The following NAV3 variants were observed in gnomAD, a reference collection of about 807,000 sequenced individuals.
NAV3 encodes the protein pore membrane and/or filament interacting like protein 1.
A neutral mutation model predicts 244.7 loss-of-function variants in NAV3; 87 were observed. That is an observed-to-expected ratio of 0.36 (90% CI 0.30 to 0.42). NAV3 has a LOEUF of 0.42. Among genes scored for constraint, NAV3 ranks in the 20% least tolerant of loss-of-function variants. The pLI is 1.00. For synonymous variants in NAV3, 1,126 were observed against 1,042.2 expected, an observed-to-expected ratio of 1.08 and a Z score of -1.55; for missense variants, 2,663 against 2,893.3, an observed-to-expected ratio of 0.92 and a Z score of 1.83.
intron 3 of NAV3, among the ~76,000 whole-genome samples, chr12:77,965,889 C>T (rs1402984756): frequency 6.6e-6 from 1 of 152,162 alleles, no homozygotes; most frequent in Admixed American, 6.5e-5. Context: ...CTAAGACTCA[C>T]ACATGCAACA....
At chr12:77,729,891 CCTT>C (rs1877046596) in intron 2 of NAV3, among the ~76,000 whole-genome samples, 1 of 152,002 alleles carries the variant, frequency 6.6e-6, no homozygotes, top group Admixed American at 6.6e-5. Flanking sequence ...GCCATCAACT[CCTT>C]CTTTACCCAG....
At chr12:77,991,029 A>AT (rs978821243) in intron 5 of NAV3, among the ~76,000 whole-genome samples, 8 of 151,992 alleles carry the variant, frequency 5.3e-5, no homozygotes, top group African/African-American at 1.7e-4. Flanking sequence ...TTGTTTATTT[A>AT]TTTTTTTATT....
chr12:78,057,669 C>T (rs1192168854), intron 11 of NAV3, among the ~76,000 whole-genome samples: 1 of 152,180 alleles, frequency 6.6e-6, no homozygotes, highest in Non-Finnish European at 1.5e-5. Flanking sequence ...TCACTGGTAG[C>T]TCACCATCAC....
chr12:77,677,285 C>T (rs1024191013), intron 2 of NAV3, among the ~76,000 whole-genome samples: 1 of 152,162 alleles, frequency 6.6e-6, no homozygotes, highest in Admixed American at 6.6e-5. Context: ...TTATAATTGG[C>T]TATTTATCCA....
At chr12:78,169,611 C>T (rs1957920829) in intron 24 of NAV3, among the ~76,000 whole-genome samples, 1 of 151,550 alleles carries the variant, frequency 6.6e-6, no homozygotes, top group Non-Finnish European at 1.5e-5. Context: ...AACATGAATG[C>T]CTTATTATCT....
At chr12:77,624,478 A>G (rs537113800) in intron 2 of NAV3, among the ~76,000 whole-genome samples, 25 of 152,190 alleles carry the variant, frequency 1.6e-4, no homozygotes, top group Admixed American at 4.6e-4. Context: ...TTCAAAAGGA[A>G]CACTCTGTAC....
intron 2 of NAV3, among the ~76,000 whole-genome samples, chr12:77,721,903 A>G (rs754889997): frequency 5.9e-5 from 9 of 152,140 alleles, no homozygotes; most frequent in African/African-American, 1.2e-4. Flanking sequence ...TTTCTGATTC[A>G]GGACAGCCAA....
chr12:77,998,392 G>C lies in NAV3; in HGVS notation c.796G>C (p.Ala266Pro), dbSNP rs1156710926. The change falls in exon 7 of 40, where the codon GCC (alanine) becomes CCC (proline). Residue 266 changes from alanine to proline, a missense_variant. By Grantham distance (27) the Ala-to-Pro change is conservative. Around this residue, in one of 6 missense-constraint regions of NAV3, gnomAD observed 1,521 missense variants for 1,497.0 expected, o/e 1.02. Coordinates refer to ENST00000397909, the MANE Select transcript of NAV3 (RefSeq NM_001024383.2). ...AGGAAGCAGCAGCAAGGTCCAGGGAGCCTCTAATTTAAATAGGAGAAGTCA... is the reference window on the plus strand; with the variant it reads ...AGGAAGCAGCAGCAAGGTCCAGGGACCCTCTAATTTAAATAGGAGAAGTCA... The part of the protein sequence containing the change: ...AAGSSSKVQG[A>P]SNLNRRSQSF... 1.2e-6 allele frequency: 2 copies of C among 1,612,052 alleles called. No individual in the cohort carries two copies. The highest frequency in any genetic ancestry group is 1.1e-5 in the South Asian group (1 of 90,862).
chr12:77,637,480 AT>A (rs1431755902), intron 2 of NAV3, among the ~76,000 whole-genome samples: 1 of 152,150 alleles, frequency 6.6e-6, no homozygotes, highest in African/African-American at 2.4e-5. Context: ...TTTTAAAGTT[AT>A]TTTTATCATA....
chr12:77,723,566 G>A (rs1876737163), intron 2 of NAV3, among the ~76,000 whole-genome samples: 1 of 151,798 alleles, frequency 6.6e-6, no homozygotes, highest in African/African-American at 2.4e-5. Flanking sequence ...ATGACATGCT[G>A]TGAAAGGCTT....
At chr12:77,973,540 G>A (rs555854181) in intron 5 of NAV3, among the ~76,000 whole-genome samples, 4 of 152,202 alleles carry the variant, frequency 2.6e-5, no homozygotes, top group East Asian at 1.9e-4. Flanking sequence ...TTTTCTGAAC[G>A]GCTTGGCTGT....
In NAV3 at chr12:78,007,077, A is replaced by T; in HGVS notation, c.1539A>T (p.Thr513=). 1 of 1,614,220 alleles carries T rather than the reference A, an allele frequency of 6.2e-7. No homozygotes were observed. Among genetic ancestry groups the T allele is most frequent in the South Asian group, 1.1e-5 (1 of 91,088 alleles). The change falls in exon 8 of 40, where the codon ACA becomes ACT. Residue 513 remains threonine (T), a synonymous_variant. Coordinates refer to ENST00000397909, the MANE Select transcript of NAV3 (RefSeq NM_001024383.2). ...TGATCCCTAAGGGCAGCAAGACAAC[A>T]GCAGCTAAGAAGGAAAGCTTAATTC... ...ASLIPKGSKT[T]AAKKESLIPS...
At chr12:78,000,389 A>G (rs1017522378) in intron 7 of NAV3, among the ~76,000 whole-genome samples, 2 of 152,310 alleles carry the variant, frequency 1.3e-5, no homozygotes, top group Non-Finnish European at 2.9e-5. Flanking sequence ...CTTTATGTCA[A>G]TAGATCCAAT....
rs184197171 is a variant in NAV3, at chr12:78,205,167, T to C, written c.7038+29T>C. Reference sequence around the variant, plus strand: ...AGAATCAGATGTTCATTTCTTCCTATGTAATCTTGACTACAGTGTATAGTC... The same window carrying C: ...AGAATCAGATGTTCATTTCTTCCTACGTAATCTTGACTACAGTGTATAGTC... On this transcript the variant is annotated intron_variant, in intron 39 of 39. Transcript: ENST00000397909. 124 of 1,599,552 alleles carry C rather than the reference T, an allele frequency of 7.8e-5. No individual in the cohort carries two copies. In the East Asian group the frequency reaches 2.7e-3, roughly 35 times the overall value.
At chr12:77,641,190 G>A (rs577289679) in intron 2 of NAV3, among the ~76,000 whole-genome samples, 13 of 151,980 alleles carry the variant, frequency 8.6e-5, no homozygotes, top group African/African-American at 2.9e-4. Flanking sequence ...TTTCTCAAAA[G>A]CATTTATAGG....
chr12:77,844,790 A>G (rs1349245669), intron 1 of NAV3, among the ~76,000 whole-genome samples: 1 of 152,216 alleles, frequency 6.6e-6, no homozygotes, highest in Non-Finnish European at 1.5e-5. Context: ...TGTTGCATAC[A>G]GCATTACAGC....
intron 2 of NAV3, among the ~76,000 whole-genome samples, chr12:77,688,985 G>A (rs1874883816): frequency 6.6e-6 from 1 of 151,858 alleles, no homozygotes; most frequent in Admixed American, 6.6e-5. Context: ...CAAATCAGCT[G>A]AAACCAGGAT....
intron 3 of NAV3, among the ~76,000 whole-genome samples, chr12:77,948,116 A>T (rs1890533812): frequency 6.6e-6 from 1 of 152,076 alleles, no homozygotes; most frequent in Non-Finnish European, 1.5e-5. Flanking sequence ...AGTTTTAGTA[A>T]GTCTAATTTA....
At chr12:78,049,006 T>C (rs1426611688) in intron 9 of NAV3, among the ~76,000 whole-genome samples, 1 of 152,144 alleles carries the variant, frequency 6.6e-6, no homozygotes, top group Non-Finnish European at 1.5e-5. Context: ...CCCAGCGGGT[T>C]TGTTTACATT....
Sources: allele counts gnomAD v4.1 joint callset (sites outside exome capture counted in the v4.1 genomes callset), GRCh38; gene constraint gnomAD v4.1.1; regional missense constraint gnomAD v4.1.1; transcripts MANE v1.5; gene names NCBI Gene and HGNC (gene_info 2026-07-23, HGNC 2026-07-21).